The following SLC38A1 variants were observed in gnomAD, a reference collection of about 807,000 sequenced individuals.
SLC38A1 encodes the protein solute carrier family 38 member 1, also known as sodium-coupled neutral amino acid symporter 1.
In SLC38A1, 18 loss-of-function variants were observed where a neutral mutation model predicts 60.3. The ratio of observed to expected loss-of-function variants is 0.30; its 90% CI spans 0.21 to 0.44. SLC38A1 has a LOEUF of 0.44. Ranked by LOEUF, SLC38A1 falls within the 20% of genes least tolerant of loss-of-function variation. SLC38A1 has a pLI of 1.00. For synonymous variants in SLC38A1, 196 were observed against 212.1 expected (o/e 0.92, Z 0.66); for missense variants, 448 against 587.2 (o/e 0.76, Z 2.45).
intron 1 of SLC38A1, among the ~76,000 whole-genome samples, chr12:46,255,199 C>T (rs1405812135): frequency 3.9e-5 from 6 of 152,128 alleles, no homozygotes; most frequent in Admixed American, 1.3e-4. Flanking sequence ...AACAAGAAAA[C>T]GATTGTCTGT....
chr12:46,184,214 T>G lies in SLC38A1; in HGVS notation c.*4756A>C, dbSNP rs375105408. 6.6e-5 allele frequency: 10 copies of G among 152,486 alleles called. No individual in the cohort carries two copies. In the East Asian group the frequency reaches 1.2e-3, roughly 18 times the overall value. 9.4% of individuals were successfully genotyped at this position (152,486 alleles called of 1,614,324 possible). A position where few individuals can be genotyped will look rare whatever the true frequency, so the allele number is the denominator to read the frequency against. On this transcript the variant is annotated 3_prime_UTR_variant, in exon 17 of 17. Coordinates refer to ENST00000398637, the MANE Select transcript of SLC38A1 (RefSeq NM_030674.4). ...TTGAGATTTAGTGATAGTTTTTAGT[T>G]GTTAGACACCCCACCTTCAGCTTGT...
At chr12:46,204,640 A>ATGG in intron 9 of SLC38A1, 50 bp from the exon 10 acceptor site, 1 of 1,463,814 alleles carries the variant, frequency 6.8e-7, no homozygotes, top group Non-Finnish European at 9.3e-7. Context: ...CCATTTTTAA[A>ATGG]AATTTTGGAG....
At chr12:46,206,736 T>C (rs994944322) in intron 8 of SLC38A1, among the ~76,000 whole-genome samples, 5 of 152,214 alleles carry the variant, frequency 3.3e-5, no homozygotes, top group African/African-American at 1.2e-4. Flanking sequence ...TTTCCAGGGT[T>C]ATCTACATCT....
intron 16 of SLC38A1, among the ~76,000 whole-genome samples, chr12:46,194,261 C>T (rs1939269742): frequency 1.3e-5 from 2 of 152,148 alleles, no homozygotes; most frequent in Non-Finnish European, 2.9e-5. Flanking sequence ...GAATATTGGC[C>T]CCCACTCCCT....
intron 16 of SLC38A1, among the ~76,000 whole-genome samples, chr12:46,189,344 C>T (rs930340261): frequency 6.6e-6 from 1 of 151,910 alleles, no homozygotes; most frequent in Non-Finnish European, 1.5e-5. Flanking sequence ...GTGTATGTAT[C>T]CATTCTACAA....
intron 5 of SLC38A1, among the ~76,000 whole-genome samples, chr12:46,211,647 GC>G (rs748562293): frequency 2.5e-4 from 38 of 152,126 alleles, no homozygotes; most frequent in Non-Finnish European, 3.2e-4. Context: ...CCCTTTTCAA[GC>G]CGGAGAAAAG....
At chr12:46,192,899 AT>A (rs1293873047) in intron 16 of SLC38A1, among the ~76,000 whole-genome samples, 1 of 152,026 alleles carries the variant, frequency 6.6e-6, no homozygotes, top group Non-Finnish European at 1.5e-5. Context: ...GGATTCATTG[AT>A]TTTTTGAAGG....
chr12:46,256,634 CACAGAG>C (rs1320267053), intron 1 of SLC38A1, among the ~76,000 whole-genome samples: 2 of 50,900 alleles, frequency 3.9e-5, no homozygotes, highest in Admixed American at 1.9e-4. Context: ...CACACACACA[CACAGAG>C]AGAGAGAGAG....
chr12:46,209,100 C>G lies in SLC38A1; in HGVS notation c.342G>C (p.Leu114=). 6.2e-7 allele frequency: 1 copy of G among 1,611,070 alleles called. No individual in the cohort carries two copies. Among genetic ancestry groups the G allele is most frequent in the Admixed American group, 1.7e-5 (1 of 59,848 alleles). The change falls in exon 6 of 17, where the codon CTG becomes CTC. Residue 114 remains leucine (L), a synonymous_variant. Transcript: ENST00000398637. The part of the protein sequence containing the change: ...FLVLLTSVTL[L]SIYSINLLLI... ...ATAGGAGGTTTATTGAATATATAGA[C>G]AGCAATGTCACTGAAGTCAAAAGTA...
chr12:46,212,373 C>A (rs1472983674), intron 5 of SLC38A1, among the ~76,000 whole-genome samples: 2 of 152,154 alleles, frequency 1.3e-5, no homozygotes, highest in African/African-American at 4.8e-5. Flanking sequence ...TAACCACTGA[C>A]CACAAGTATT....
In SLC38A1 at chr12:46,214,393, T is replaced by A. The variant is rs527645968; in HGVS notation, c.315-5266A>T. On this transcript the variant is annotated intron_variant, in intron 5 of 16. Coordinates refer to ENST00000398637, the MANE Select transcript of SLC38A1 (RefSeq NM_030674.4). ...CATCTAAACATCGATTTGAAAAACG[T>A]TATTTGTCAATGTTTTGAATCATAT... is the stretch of plus-strand genomic sequence containing the variant. 3.9e-5 allele frequency among the ~76,000 whole-genome samples: 6 copies of A among 152,330 alleles called. 1 individual carries two copies. The highest frequency in any genetic ancestry group is 1.4e-4 in the African/African-American group (6 of 41,580).
intron 1 of SLC38A1, among the ~76,000 whole-genome samples, chr12:46,250,991 C>A (rs1460221100): frequency 1.3e-5 from 2 of 152,116 alleles, no homozygotes; most frequent in African/African-American, 2.4e-5. Flanking sequence ...GGAAAAAAAA[C>A]TACTTTAAAG....
intron 5 of SLC38A1, among the ~76,000 whole-genome samples, chr12:46,213,655 T>C (rs76650197): frequency 6.0e-4 from 91 of 152,338 alleles, no homozygotes; most frequent in Middle Eastern, 3.4e-3. Flanking sequence ...CCCAAATCCA[T>C]AGGCATTTTG....
Position 46,268,179 on chromosome 12 carries a change from G to A in SLC38A1, c.-209+347C>T, listed in dbSNP as rs1942423781. ...CTGCGCTCTCCCTCCAGACGTGCGT[G>A]GTTCCTGGCTCTCGTAAAAATGGAA... is the stretch of plus-strand genomic sequence containing the variant. On this transcript the variant is annotated intron_variant, in intron 1 of 16. Transcript: ENST00000398637. The surrounding 1 kb of genome is among the most constrained non-coding windows in gnomAD (Gnocchi z 4.4). 2.0e-5 allele frequency among the ~76,000 whole-genome samples: 3 copies of A among 152,304 alleles called. No individual in the cohort carries two copies. The South Asian group carries it at 6.2e-4, about 32-fold the overall frequency.
intron 1 of SLC38A1, among the ~76,000 whole-genome samples, chr12:46,257,519 C>T (rs1942071047): frequency 6.6e-6 from 1 of 152,172 alleles, no homozygotes; most frequent in South Asian, 2.1e-4. Flanking sequence ...ACCACTTACC[C>T]CAAGTCGGCT....
At chr12:46,192,111 A>G (rs1939169756) in intron 16 of SLC38A1, among the ~76,000 whole-genome samples, 2 of 152,220 alleles carry the variant, frequency 1.3e-5, no homozygotes, top group South Asian at 2.1e-4. Flanking sequence ...TGTTCCATCA[A>G]TACCTAGTTT....
Position 46,184,995 on chromosome 12 carries a change from A to G in SLC38A1, c.*3975T>C, listed in dbSNP as rs1190185549. On this transcript the variant is annotated 3_prime_UTR_variant, in exon 17 of 17. Coordinates refer to ENST00000398637, the MANE Select transcript of SLC38A1 (RefSeq NM_030674.4). ...CACTCACTTTCTTGCCATTGCAGAG[A>G]CCCCTGCCGCCAGGCTCCTTTCCTC... 2 of 152,004 alleles carry G rather than the reference A, an allele frequency of 1.3e-5. No homozygotes were observed. The highest frequency in any genetic ancestry group is 3.9e-4 in the East Asian group (2 of 5,172). The allele number at this position is 152,004 out of a possible 1,614,324, so 9.4% of individuals were successfully genotyped here.
At chr12:46,244,877 T>C (rs1245965795) in intron 1 of SLC38A1, among the ~76,000 whole-genome samples, 1 of 152,238 alleles carries the variant, frequency 6.6e-6, no homozygotes, top group Non-Finnish European at 1.5e-5. Flanking sequence ...CTTCATTTTA[T>C]TTCTCCCTTA....
intron 5 of SLC38A1, among the ~76,000 whole-genome samples, chr12:46,224,601 G>T (rs1041456130): frequency 6.6e-6 from 1 of 152,186 alleles, no homozygotes; most frequent in African/African-American, 2.4e-5. Flanking sequence ...GTTGGCCAAT[G>T]TGAGTCTGGA....
Sources: allele counts gnomAD v4.1 joint callset (sites outside exome capture counted in the v4.1 genomes callset), GRCh38; gene constraint gnomAD v4.1.1; non-coding constraint Gnocchi (gnomAD v3.1); transcripts MANE v1.5; gene names NCBI Gene and HGNC (gene_info 2026-07-23, HGNC 2026-07-21).